COL12A1: variants seen among roughly 807,000 people sequenced by gnomAD.
COL12A1 encodes collagen alpha-1(XII) chain.
In COL12A1, 114 loss-of-function variants were observed where a neutral mutation model predicts 349.7. The ratio of observed to expected loss-of-function variants is 0.33; its 90% CI spans 0.28 to 0.38. The LOEUF is 0.38. Among genes scored for constraint, COL12A1 ranks in the 10% least tolerant of loss-of-function variants. COL12A1 has a pLI of 1.00. For missense variants in COL12A1, 3,284 were observed against 3,756.9 expected (o/e 0.87, Z 3.29); for synonymous variants, 1,369 against 1,329.0 (o/e 1.03, Z -0.66).
rs368481619 is a variant in COL12A1 at position 75,138,939 on chromosome 6, G to C, written c.4980C>G (p.Asn1660Lys). 4.6e-5 allele frequency: 75 copies of C among 1,613,928 alleles called. No homozygotes were observed. Among genetic ancestry groups the C allele is most frequent in the Non-Finnish European group, 6.1e-5 (72 of 1,179,930 alleles). ...CTGATGTTACTTCAGTAATCTTTAA[G>C]TTTGTTGGGGCTGGCACGGGTCCTA... ...ETTRPVPAPT[N>K]LKITEVTSEG... Residue 1660 changes from asparagine (N) to lysine (K), a missense_variant, in exon 28 of 66, where the codon AAC (asparagine) becomes AAG (lysine). By Grantham distance (94) the Asn-to-Lys change is moderately conservative. This residue lies in a region of COL12A1 where 2,601 missense variants were observed against 2,824.8 expected (regional missense o/e 0.92). Transcript: ENST00000322507.
Position 75,089,126 on chromosome 6 carries a change from C to T in COL12A1, c.8990G>A (p.Arg2997Gln), listed in dbSNP as rs778638053. 6 of 1,611,222 alleles carry T rather than the reference C, an allele frequency of 3.7e-6. No homozygotes were observed. Among genetic ancestry groups the T allele is most frequent in the Non-Finnish European group, 4.2e-6 (5 of 1,179,132 alleles). ...GERGTGSSGP[R>Q]GLPGPPGPQG... ...CCTACCTGGGGGGCCAGGCAGCCCC[C>T]GAGGTCCTGAAGATCCAGTACCCCT... Residue 2997 changes from arginine (R) to glutamine (Q), a missense_variant, in exon 64 of 66, where the codon CGG becomes CAG. Arg to Gln is a conservative substitution (Grantham distance 43). Coordinates refer to ENST00000322507, the MANE Select transcript of COL12A1 (RefSeq NM_004370.6).
intron 39 of COL12A1, 39 bp from the exon 40 acceptor site, chr6:75,125,312 T>C (rs1400839537): frequency 1.3e-6 from 2 of 1,532,408 alleles, no homozygotes; most frequent in East Asian, 4.7e-5. Context: ...AAACATGCCA[T>C]CAATAGCATG....
rs188894171 is a variant in COL12A1, at chr6:75,149,493, T to C, written c.4148-996A>G. Among the ~76,000 whole-genome samples the C allele has an allele frequency of 2.8e-4, 42 of 152,212 alleles. 1 individual carries two copies. The highest frequency in any genetic ancestry group is 2.8e-3 in the Admixed American group (42 of 15,264). On this transcript the variant is annotated intron_variant, in intron 21 of 65. Transcript: ENST00000322507. ...TCTGGGAACAACCTACCGCCTGTGA[T>C]TGTGCTCCCTGTGGGTGGATATAGG...
intron 1 of COL12A1, among the ~76,000 whole-genome samples, chr6:75,205,392 A>G (rs1770728918): frequency 6.6e-6 from 1 of 151,434 alleles, no homozygotes; most frequent in South Asian, 2.1e-4. Context: ...CCCCCGCCGC[A>G]CGCCTGCCCT....
intron 59 of COL12A1, among the ~76,000 whole-genome samples, chr6:75,097,012 G>A (rs572458961): frequency 1.3e-5 from 2 of 151,796 alleles, no homozygotes; most frequent in African/African-American, 4.8e-5. Flanking sequence ...CCAGCTGGTA[G>A]CCAGTTAGTT....
At chr6:75,135,582 T>C (rs575226704) in intron 31 of COL12A1, among the ~76,000 whole-genome samples, 1 of 152,366 alleles carries the variant, frequency 6.6e-6, no homozygotes, top group African/African-American at 2.4e-5. Flanking sequence ...CAGATGTTTA[T>C]GTCATACTAA....
chr6:75,179,218 A>G (rs1297719666), intron 11 of COL12A1, among the ~76,000 whole-genome samples: 1 of 152,240 alleles, frequency 6.6e-6, no homozygotes, highest in African/African-American at 2.4e-5. Flanking sequence ...TACAGACAAT[A>G]TAACTGAAAA....
Position 75,143,245 on chromosome 6 carries a change from A to C in COL12A1, c.4827+7T>G. On this transcript the variant is annotated splice_region_variant and intron_variant, in intron 26 of 65. Transcript: ENST00000322507. ...TATTTTCATATCTACTATCATCTTC[A>C]ACCTACCTCTTTGACATCCTCTTCT... 6.2e-7 allele frequency: 1 copy of C among 1,613,582 alleles called. No homozygotes were observed. Among genetic ancestry groups the C allele is most frequent in the South Asian group, 1.1e-5 (1 of 90,998 alleles).
intron 3 of COL12A1, among the ~76,000 whole-genome samples, chr6:75,193,480 T>C (rs1363090686): frequency 1.3e-5 from 2 of 152,198 alleles, no homozygotes; most frequent in Non-Finnish European, 2.9e-5. Context: ...TAGTAATAAG[T>C]TGTGTTGACA....
At chr6:75,138,603 A>G (rs757172783) in intron 28 of COL12A1, 23 bp from the exon 29 acceptor site, 36 of 1,610,586 alleles carry the variant, frequency 2.2e-5, no homozygotes, top group Non-Finnish European at 2.5e-5. Context: ...GGACAAAAAC[A>G]TACCCACGCA....
At chr6:75,152,546 C>T in intron 17 of COL12A1, 64 bp from the exon 18 acceptor site, 1 of 1,576,818 alleles carries the variant, frequency 6.3e-7, no homozygotes, top group South Asian at 1.1e-5. Flanking sequence ...ACTTCCTTGT[C>T]ACACCTCTAC....
intron 2 of COL12A1, among the ~76,000 whole-genome samples, chr6:75,200,044 C>T (rs1582228456): frequency 6.6e-6 from 1 of 152,156 alleles, no homozygotes; most frequent in South Asian, 2.1e-4. Context: ...ACTGTGGCTA[C>T]TTTAGGACTC....
chr6:75,137,627 T>TCC, intron 30 of COL12A1, 48 bp from the exon 31 acceptor site: 1 of 1,603,956 alleles, frequency 6.2e-7, no homozygotes, highest in Non-Finnish European at 8.5e-7. Context: ...GAACAATGCC[T>TCC]CCCCCTAAAA....
At position 75,138,347 on chromosome 6, in the gene COL12A1, GAA is replaced by G. The variant is rs1766724777; in HGVS notation, c.5231-9_5231-8del. On this transcript the variant is annotated splice_polypyrimidine_tract_variant and splice_region_variant and intron_variant, in intron 29 of 65. Transcript: ENST00000322507. Reference sequence around the variant, plus strand: ...TGTGTTGTTAAGATAGGCACTAAAAGAAAACAGAATTTGGGAACACATTACTA... The same window carrying G: ...TGTGTTGTTAAGATAGGCACTAAAAGAACAGAATTTGGGAACACATTACTA... 3.1e-6 allele frequency: 5 copies of G among 1,610,520 alleles called. No individual in the cohort carries two copies. The highest frequency in any genetic ancestry group is 4.2e-6 in the Non-Finnish European group (5 of 1,179,070).
At chr6:75,177,244 C>T (rs142799945) in intron 12 of COL12A1, among the ~76,000 whole-genome samples, 1 of 152,084 alleles carries the variant, frequency 6.6e-6, no homozygotes, top group Admixed American at 6.5e-5. Flanking sequence ...TCAGACCAGC[C>T]TGGCCAACAT....
chr6:75,089,006 CA>C, intron 64 of COL12A1, 99 bp downstream of exon 64: 3 of 783,978 alleles, frequency 3.8e-6, no homozygotes, highest in Non-Finnish European at 4.0e-6. Flanking sequence ...GTCTCAAAAA[CA>C]AAAAAAAGAA....
chr6:75,088,954 T>C, intron 64 of COL12A1, 152 bp downstream of exon 64: 1 of 618,090 alleles, frequency 1.6e-6, no homozygotes. Context: ...TGAGCCAAGA[T>C]CGCGCCACTG....
intron 11 of COL12A1, among the ~76,000 whole-genome samples, chr6:75,178,324 C>A (rs1005833775): frequency 6.6e-6 from 1 of 152,168 alleles, no homozygotes; most frequent in South Asian, 2.1e-4. Context: ...CATTTTCTCA[C>A]GAAACTAGGA....
rs201657256 is a variant in COL12A1 at position 75,183,979 on chromosome 6, G to A, written c.1163C>T (p.Thr388Met). The A allele has an allele frequency of 1.9e-5, 31 of 1,614,162 alleles. No individual in the cohort carries two copies. The highest frequency in any genetic ancestry group is 1.7e-4 in the Admixed American group (10 of 60,020). Reference protein sequence around the residue: ...HALSVGPQTTTLSVRDLSADT... With the variant: ...HALSVGPQTTMLSVRDLSADT... The stretch of plus-strand genomic sequence containing the variant: ...TGCTGAGAGGTCGCGAACACTGAGC[G>A]TGGTTGTCTGAGGCCCCACACTCAG... The change falls in exon 9 of 66, where the codon ACG (threonine) becomes ATG (methionine). Residue 388 changes from threonine to methionine, a missense_variant. By Grantham distance (81) the Thr-to-Met change is moderately conservative (BLOSUM62 -1). Transcript: ENST00000322507.
Sources: allele counts gnomAD v4.1 joint callset (sites outside exome capture counted in the v4.1 genomes callset), GRCh38; gene constraint gnomAD v4.1.1; regional missense constraint gnomAD v4.1.1; transcripts MANE v1.5; gene names NCBI Gene and HGNC (gene_info 2026-07-23, HGNC 2026-07-21).